ZDHHC21: variants seen among roughly 807,000 people sequenced by gnomAD.
The protein encoded by ZDHHC21 is palmitoyltransferase ZDHHC21.
A neutral mutation model predicts 34.6 loss-of-function variants in ZDHHC21; 15 were observed. The observed-to-expected ratio is 0.43, with a 90% confidence interval of 0.29 to 0.67. The LOEUF (loss-of-function observed/expected upper bound fraction) is 0.67, where lower values mean the gene tolerates loss of function less well. ZDHHC21 is among the 30% of genes least tolerant of loss of function. The pLI is 0.14. For synonymous variants in ZDHHC21, 142 were observed against 101.8 expected (o/e 1.40, Z -2.38); for missense variants, 344 against 327.7 (o/e 1.05, Z -0.38).
downstream of ZDHHC21, chr9:14,611,041 G>C (rs1424767009): frequency 1.3e-5 from 2 of 151,804 alleles, no homozygotes; most frequent in East Asian, 3.9e-4. Flanking sequence ...ATTTTCCTAA[G>C]TAAGAAAGGT....
intron 2 of ZDHHC21, among the ~76,000 whole-genome samples, chr9:14,689,452 T>C (rs1838844706): frequency 6.6e-6 from 1 of 152,208 alleles, no homozygotes; most frequent in South Asian, 2.1e-4. Context: ...AAGCATAAAA[T>C]ACTTGCACTA....
chr9:14,636,633 C>G (rs1828355700), intron 8 of ZDHHC21, among the ~76,000 whole-genome samples: 1 of 152,032 alleles, frequency 6.6e-6, no homozygotes, highest in African/African-American at 2.4e-5. Flanking sequence ...GGAACATTTT[C>G]CAAGATAGAC....
the ZDHHC21 span, among the ~76,000 whole-genome samples, chr9:14,596,799 G>A: frequency 2.0e-5 from 3 of 152,182 alleles, no homozygotes; most frequent in Non-Finnish European, 4.4e-5. Context: ...GAGGTACGTG[G>A]CACTTGTCTC....
At chr9:14,596,729 A>T in the ZDHHC21 span, among the ~76,000 whole-genome samples, 1 of 152,244 alleles carries the variant, frequency 6.6e-6, no homozygotes, top group South Asian at 2.1e-4. Flanking sequence ...AAGAAAAAAA[A>T]ATAACAGAGA....
intron 8 of ZDHHC21, among the ~76,000 whole-genome samples, chr9:14,636,482 T>G (rs1334645080): frequency 6.6e-6 from 1 of 152,156 alleles, no homozygotes; most frequent in Non-Finnish European, 1.5e-5. Flanking sequence ...CACAGGATTC[T>G]CAGCATTAGA....
At chr9:14,601,599 G>A in the ZDHHC21 span, among the ~76,000 whole-genome samples, 921 of 152,240 alleles carry the variant, frequency 6.0e-3, 11 homozygotes, top group African/African-American at 0.02. Context: ...AATTCCTCAA[G>A]GATCTATAAC....
chr9:14,679,135 C>G (rs62538526), intron 3 of ZDHHC21, among the ~76,000 whole-genome samples: 9,075 of 151,912 alleles, frequency 0.06, 331 homozygotes, highest in Admixed American at 0.12. Flanking sequence ...TGTCATGGTA[C>G]GTAAATTTAC....
chr9:14,640,061 G>A, intron 7 of ZDHHC21, 49 bp from the exon 8 acceptor site: 1 of 951,746 alleles, frequency 1.1e-6, no homozygotes, highest in Non-Finnish European at 1.6e-6. Flanking sequence ...TGCTTACATT[G>A]CTTACAGTCG....
chr9:14,632,268 C>T (rs1397525479), intron 8 of ZDHHC21, among the ~76,000 whole-genome samples: 2 of 151,936 alleles, frequency 1.3e-5, no homozygotes, highest in Admixed American at 1.3e-4. Flanking sequence ...GATAGACATA[C>T]AGATAAATAA....
intron 8 of ZDHHC21, among the ~76,000 whole-genome samples, chr9:14,639,207 G>A (rs147568572): frequency 0.016 from 2,388 of 152,120 alleles, 24 homozygotes; most frequent in African/African-American, 0.027. Flanking sequence ...GTCATTTGCA[G>A]CAACATGGAT....
intron 8 of ZDHHC21, among the ~76,000 whole-genome samples, chr9:14,623,299 G>C (rs79625618): frequency 0.085 from 12,964 of 152,132 alleles, 1,520 homozygotes; most frequent in African/African-American, 0.27. Flanking sequence ...GATTGCTTGA[G>C]GCCAGGAGTT....
At chr9:14,595,383 T>C in the ZDHHC21 span, among the ~76,000 whole-genome samples, 1 of 152,146 alleles carries the variant, frequency 6.6e-6, no homozygotes, top group Non-Finnish European at 1.5e-5. Context: ...TCAAAAACAC[T>C]ACATTAAGTG....
At chr9:14,654,208 A>T (rs1250966263) in intron 7 of ZDHHC21, among the ~76,000 whole-genome samples, 1 of 152,084 alleles carries the variant, frequency 6.6e-6, no homozygotes, top group African/African-American at 2.4e-5. Flanking sequence ...GAATAAAGGC[A>T]AATTGAAACT....
rs1289132491 is a variant in ZDHHC21 at position 14,616,884 on chromosome 9, A to C, written c.*2082T>G. 1.3e-5 allele frequency: 2 copies of C among 151,878 alleles called. No homozygotes were observed. The highest frequency in any genetic ancestry group is 4.8e-5 in the African/African-American group (2 of 41,414). 9.4% of individuals were successfully genotyped at this position (151,878 alleles called of 1,614,324 possible). Reference sequence around the variant, plus strand: ...GGAAAGGTAAAGAGGAAGAGGGAAAAGAATATGCCCTAGATGAGGTAAATC... The same window carrying C: ...GGAAAGGTAAAGAGGAAGAGGGAAACGAATATGCCCTAGATGAGGTAAATC... On this transcript the variant is annotated 3_prime_UTR_variant, in exon 10 of 10. Transcript: ENST00000380916.
At chr9:14,622,387 T>C (rs1015513728) in intron 8 of ZDHHC21, among the ~76,000 whole-genome samples, 8 of 147,590 alleles carry the variant, frequency 5.4e-5, no homozygotes, top group African/African-American at 1.0e-4. Context: ...GTATCCTAAG[T>C]AGTAAAATTA....
intron 5 of ZDHHC21, among the ~76,000 whole-genome samples, chr9:14,669,217 G>C (rs1286501024): frequency 7.2e-6 from 1 of 138,062 alleles, no homozygotes; most frequent in African/African-American, 2.6e-5. Context: ...CTTCTCAAAA[G>C]AAGACATTTA....
chr9:14,679,678 C>G (rs527528932), intron 3 of ZDHHC21, among the ~76,000 whole-genome samples: 2 of 152,210 alleles, frequency 1.3e-5, no homozygotes, highest in Admixed American at 1.3e-4. Context: ...AACTTACAAA[C>G]TAACTGTTTA....
At position 14,663,851 on chromosome 9, in the gene ZDHHC21, ATAGT is replaced by A. The variant is rs575503769; in HGVS notation, c.254-1529_254-1526del. On this transcript the variant is annotated intron_variant, in intron 5 of 9. Transcript: ENST00000380916. ...GCAACAGTACTAAAGCTTAATTTAC[ATAGT>A]TAAACTAGTACTATTTACCTCTAAG... Among the ~76,000 whole-genome samples, 42 of 152,364 alleles carry A rather than the reference ATAGT, an allele frequency of 2.8e-4. No individual in the cohort carries two copies. In the South Asian group the frequency reaches 5.4e-3, roughly 20 times the overall value.
chr9:14,621,644 T>A (rs753869741), intron 8 of ZDHHC21, among the ~76,000 whole-genome samples: 1 of 152,128 alleles, frequency 6.6e-6, no homozygotes, highest in Non-Finnish European at 1.5e-5. Flanking sequence ...TGTAACTCTG[T>A]TATCCAGAAT....
Sources: allele counts gnomAD v4.1 joint callset (sites outside exome capture counted in the v4.1 genomes callset), GRCh38; gene constraint gnomAD v4.1.1; transcripts MANE v1.5; gene names NCBI Gene and HGNC (gene_info 2026-07-23, HGNC 2026-07-21).